Variants in SLC35F3 observed in about 807,000 individuals in gnomAD.
SLC35F3 encodes the protein putative thiamine transporter SLC35F3.
Under a neutral mutation model 49.9 loss-of-function variants are expected in SLC35F3, and 25 were observed. The observed-to-expected ratio is 0.50, with a 90% CI of 0.37 to 0.70. The LOEUF is 0.70. Among genes scored for constraint, SLC35F3 ranks in the 30% least tolerant of loss-of-function variants. SLC35F3 has a pLI of 0.00. For missense variants in SLC35F3, 525 were observed against 639.8 expected, an observed-to-expected ratio of 0.82 and a Z score of 1.94; for synonymous variants, 275 against 265.4, an observed-to-expected ratio of 1.04 and a Z score of -0.35.
chr1:234,232,529 A>AAAAAG (rs1364787730), intron 3 of SLC35F3, among the ~76,000 whole-genome samples: 2 of 148,478 alleles, frequency 1.3e-5, no homozygotes, highest in Non-Finnish European at 3.0e-5. Flanking sequence ...CAAAAAAAAA[A>AAAAAG]AAAAAAAAAA....
intron 2 of SLC35F3, among the ~76,000 whole-genome samples, chr1:234,055,032 G>A (rs1418886691): frequency 2.0e-5 from 3 of 152,156 alleles, no homozygotes; most frequent in African/African-American, 7.2e-5. Context: ...GCACTCGGCC[G>A]TATGAGGTGT....
At chr1:234,144,096 C>T (rs891619834) in intron 2 of SLC35F3, among the ~76,000 whole-genome samples, 4 of 151,708 alleles carry the variant, frequency 2.6e-5, no homozygotes, top group Non-Finnish European at 2.9e-5. Context: ...AAAAGTGAGA[C>T]GGGGTGTAGC....
intron 2 of SLC35F3, among the ~76,000 whole-genome samples, chr1:234,173,605 T>C (rs115214081): frequency 1.7e-3 from 257 of 152,310 alleles, no homozygotes; most frequent in African/African-American, 5.8e-3. Context: ...CTAAGCATGG[T>C]TCCAGATTCA....
chr1:233,949,096 A>G (rs563078027), intron 2 of SLC35F3, among the ~76,000 whole-genome samples: 10 of 152,180 alleles, frequency 6.6e-5, no homozygotes, highest in South Asian at 4.2e-4. Context: ...TCCATCATGT[A>G]GGATCATGCC....
intron 2 of SLC35F3, among the ~76,000 whole-genome samples, chr1:234,216,782 T>A (rs1327068699): frequency 1.3e-5 from 2 of 152,172 alleles, no homozygotes; most frequent in Non-Finnish European, 2.9e-5. Context: ...AGGAACAACC[T>A]ACTTCAGCAG....
At chr1:234,236,077 G>A (rs1667463617) in intron 3 of SLC35F3, among the ~76,000 whole-genome samples, 1 of 152,124 alleles carries the variant, frequency 6.6e-6, no homozygotes, top group Admixed American at 6.5e-5. Flanking sequence ...AGGGAGCTGA[G>A]AGTGGGGGAA....
At chr1:234,285,178 C>T (rs1668400592) in intron 3 of SLC35F3, 1 of 309,964 alleles carries the variant, frequency 3.2e-6, no homozygotes, top group Non-Finnish European at 6.2e-6. Context: ...GGTGGCTACT[C>T]TTCACACTAC....
At chr1:234,140,286 G>A (rs1029763135) in intron 2 of SLC35F3, among the ~76,000 whole-genome samples, 4 of 151,880 alleles carry the variant, frequency 2.6e-5, no homozygotes, top group African/African-American at 4.8e-5. Flanking sequence ...TAATCATCTC[G>A]CATCATCACA....
At position 234,318,960 on chromosome 1, in the gene SLC35F3, T is replaced by A. The variant is rs750392715; in HGVS notation, c.1147+17T>A. 22 of 1,604,478 alleles carry A rather than the reference T, an allele frequency of 1.4e-5. No homozygotes were observed. The highest frequency in any genetic ancestry group is 1.6e-5 in the Non-Finnish European group (19 of 1,174,834). ...TTTTATTGAGTAAGTGCTAATCACCTGTCCAGAATTCCCAGAAAGCAACCA... is the reference window on the plus strand; with the variant it reads ...TTTTATTGAGTAAGTGCTAATCACCAGTCCAGAATTCCCAGAAAGCAACCA... On this transcript the variant is annotated intron_variant, in intron 6 of 7. Transcript: ENST00000366618.
At chr1:234,071,683 A>C (rs1220011435) in intron 2 of SLC35F3, among the ~76,000 whole-genome samples, 1 of 152,242 alleles carries the variant, frequency 6.6e-6, no homozygotes, top group African/African-American at 2.4e-5. Flanking sequence ...TCATTGAAGA[A>C]GTGAGGCCTT....
At chr1:234,098,389 GTGA>G (rs891722885) in intron 2 of SLC35F3, among the ~76,000 whole-genome samples, 5 of 150,562 alleles carry the variant, frequency 3.3e-5, no homozygotes, top group African/African-American at 1.2e-4. Flanking sequence ...GTGTCATAGG[GTGA>G]TGATGGAGGT....
At chr1:233,960,340 G>A (rs942423770) in intron 2 of SLC35F3, among the ~76,000 whole-genome samples, 1 of 152,094 alleles carries the variant, frequency 6.6e-6, no homozygotes, top group South Asian at 2.1e-4. Context: ...TCGCCTTTAG[G>A]TGAGGACATT....
intron 2 of SLC35F3, among the ~76,000 whole-genome samples, chr1:234,082,323 C>T (rs1664890485): frequency 6.6e-6 from 1 of 152,164 alleles, no homozygotes; most frequent in Non-Finnish European, 1.5e-5. Flanking sequence ...TCTGTAAATG[C>T]CACTACATCA....
chr1:234,002,943 C>A (rs1460892007), intron 2 of SLC35F3, among the ~76,000 whole-genome samples: 1 of 152,204 alleles, frequency 6.6e-6, no homozygotes, highest in Admixed American at 6.5e-5. Context: ...CTACTAGCCA[C>A]TCTTTCAGTT....
chr1:233,980,673 A>T (rs962215442), intron 2 of SLC35F3, among the ~76,000 whole-genome samples: 1 of 152,200 alleles, frequency 6.6e-6, no homozygotes, highest in Admixed American at 6.5e-5. Flanking sequence ...GAATGATGTT[A>T]TATTTTCATC....
At chr1:234,106,244 T>C (rs1391184379) in intron 2 of SLC35F3, among the ~76,000 whole-genome samples, 3 of 152,234 alleles carry the variant, frequency 2.0e-5, no homozygotes, top group African/African-American at 7.2e-5. Flanking sequence ...GGCCCAGTTC[T>C]GGGCAACAAG....
chr1:233,940,026 G>A (rs932228666), intron 2 of SLC35F3, among the ~76,000 whole-genome samples: 2 of 152,072 alleles, frequency 1.3e-5, no homozygotes, highest in African/African-American at 4.8e-5. Flanking sequence ...ACTCCCTAGA[G>A]GTGACCACTA....
intron 3 of SLC35F3, among the ~76,000 whole-genome samples, chr1:234,284,092 C>T (rs1234790666): frequency 6.6e-6 from 1 of 152,062 alleles, no homozygotes; most frequent in African/African-American, 2.4e-5. Context: ...TTCTTGCAGA[C>T]ATGGGTCTCA....
intron 3 of SLC35F3, among the ~76,000 whole-genome samples, chr1:234,247,314 G>C (rs535510808): frequency 1.3e-5 from 2 of 152,372 alleles, no homozygotes; most frequent in African/African-American, 4.8e-5. Context: ...TTGGTCAGTT[G>C]ATTGGCTGGT....
Sources: gnomAD v4.1 joint callset for allele counts (sites outside exome capture counted in the v4.1 genomes callset) on GRCh38, gnomAD v4.1.1 for gene constraint, MANE v1.5 for transcripts, NCBI Gene and HGNC (gene_info 2026-07-23, HGNC 2026-07-21) for gene names.